PLCB1: variants seen among roughly 807,000 people sequenced by gnomAD.
PLCB1 encodes phospholipase C beta 1.
In PLCB1, 46 loss-of-function variants were observed where a neutral mutation model predicts 161.8. That is an observed-to-expected ratio of 0.28 (90% CI 0.22 to 0.36). The LOEUF is 0.36. Ranked by LOEUF, PLCB1 falls within the 10% of genes least tolerant of loss-of-function variation. The pLI is 1.00. For missense variants in PLCB1, 1,016 were observed against 1,472.5 expected (o/e 0.69, Z 5.07); for synonymous variants, 517 against 503.7 (o/e 1.03, Z -0.35).
chr20:8,755,890 A>G (rs1981710399), intron 23 of PLCB1, among the ~76,000 whole-genome samples: 1 of 152,264 alleles, frequency 6.6e-6, no homozygotes, highest in African/African-American at 2.4e-5. Flanking sequence ...CAATAACAAG[A>G]GTGACCTCAG....
intron 3 of PLCB1, among the ~76,000 whole-genome samples, chr20:8,624,605 T>C (rs538068093): frequency 2.0e-5 from 3 of 152,346 alleles, no homozygotes; most frequent in Non-Finnish European, 4.4e-5. Flanking sequence ...CAGTAACACA[T>C]GCTGTAATTG....
chr20:8,258,266 A>G (rs368775315), intron 2 of PLCB1, among the ~76,000 whole-genome samples: 1 of 152,314 alleles, frequency 6.6e-6, no homozygotes, highest in South Asian at 2.1e-4. Context: ...CAACCATAAT[A>G]TTGACTGAAT....
At chr20:8,369,822 G>A (rs1362999519) in intron 2 of PLCB1, among the ~76,000 whole-genome samples, 2 of 152,222 alleles carry the variant, frequency 1.3e-5, no homozygotes, top group Admixed American at 1.3e-4. Flanking sequence ...TCACAGAGAG[G>A]TGTGTCAGGA....
At chr20:8,602,922 C>G (rs148256920) in intron 3 of PLCB1, among the ~76,000 whole-genome samples, 1,961 of 152,278 alleles carry the variant, frequency 0.013, 30 homozygotes, top group African/African-American at 0.039. Context: ...AGTTGAAGCT[C>G]CTCTGGTAGA....
chr20:8,468,193 C>A (rs1175096810), intron 3 of PLCB1, among the ~76,000 whole-genome samples: 3 of 152,082 alleles, frequency 2.0e-5, no homozygotes, highest in Non-Finnish European at 2.9e-5. Context: ...CGTGAGGGAG[C>A]CTTATAGAGG....
At chr20:8,426,084 G>T (rs895999538) in intron 3 of PLCB1, among the ~76,000 whole-genome samples, 6 of 152,188 alleles carry the variant, frequency 3.9e-5, no homozygotes, top group African/African-American at 1.4e-4. Context: ...AACATGGGAA[G>T]CACTGCTTCA....
intron 3 of PLCB1, among the ~76,000 whole-genome samples, chr20:8,548,727 C>T (rs552933386): frequency 2.7e-5 from 4 of 150,222 alleles, no homozygotes; most frequent in African/African-American, 7.4e-5. Context: ...CTGTAAGCTC[C>T]GTGAGAACAG....
intron 3 of PLCB1, among the ~76,000 whole-genome samples, chr20:8,515,536 T>C (rs1018136153): frequency 6.6e-6 from 1 of 152,146 alleles, no homozygotes; most frequent in Non-Finnish European, 1.5e-5. Context: ...ATCTAGAAAT[T>C]TGTATTCCTA....
At chr20:8,143,190 C>T (rs1366676800) in intron 1 of PLCB1, among the ~76,000 whole-genome samples, 4 of 152,176 alleles carry the variant, frequency 2.6e-5, no homozygotes, top group African/African-American at 7.2e-5. Flanking sequence ...CTCCTTCCCT[C>T]TACTATGCAA....
At chr20:8,643,797 CCA>C in intron 4 of PLCB1, among the ~76,000 whole-genome samples, 1 of 129,942 alleles carries the variant, frequency 7.7e-6, no homozygotes, top group Non-Finnish European at 1.7e-5. Context: ...CTCCCTCTCC[CCA>C]TGGTCTCCCT....
At chr20:8,740,502 T>G in intron 22 of PLCB1, 54 bp downstream of exon 22, 1 of 1,017,122 alleles carries the variant, frequency 9.8e-7, no homozygotes, top group Non-Finnish European at 1.4e-6. Context: ...TCTGTCTGAG[T>G]CACCATATAT....
intron 3 of PLCB1, among the ~76,000 whole-genome samples, chr20:8,560,913 G>A (rs973511490): frequency 6.6e-6 from 1 of 151,960 alleles, no homozygotes; most frequent in Non-Finnish European, 1.5e-5. Flanking sequence ...TTTTCTCCAT[G>A]TTCACTGAGG....
chr20:8,270,640 A>C (rs1228456654), intron 2 of PLCB1, among the ~76,000 whole-genome samples: 3 of 152,140 alleles, frequency 2.0e-5, no homozygotes, highest in Admixed American at 1.3e-4. Flanking sequence ...AATAGGAATC[A>C]CATTCTTCAA....
rs545799329 is a variant in PLCB1 at position 8,301,896 on chromosome 20, T to C, written c.178-69486T>C. 6.6e-5 allele frequency among the ~76,000 whole-genome samples: 10 copies of C among 152,358 alleles called. No individual in the cohort carries two copies. In the East Asian group the frequency reaches 1.5e-3, roughly 23 times the overall value. On this transcript the variant is annotated intron_variant, in intron 2 of 31. Coordinates refer to ENST00000338037, the MANE Select transcript of PLCB1 (RefSeq NM_015192.4). ...CAAGAATGTGGCTTTGGCATCAGACTGCCTTGATTCAAGTCTTGCCTTCAC... is the reference window on the plus strand; with the variant it reads ...CAAGAATGTGGCTTTGGCATCAGACCGCCTTGATTCAAGTCTTGCCTTCAC...
intron 9 of PLCB1, among the ~76,000 whole-genome samples, chr20:8,681,116 ATAT>A (rs1568558274): frequency 0.045 from 5,114 of 113,300 alleles, 482 homozygotes; most frequent in African/African-American, 0.19. Context: ...ATATATATAT[ATAT>A]AATATATATA....
intron 3 of PLCB1, among the ~76,000 whole-genome samples, chr20:8,571,542 G>C (rs908106580): frequency 1.3e-5 from 2 of 152,166 alleles, no homozygotes; most frequent in African/African-American, 2.4e-5. Context: ...AAGATGGCTT[G>C]TGGAGAGACA....
intron 2 of PLCB1, among the ~76,000 whole-genome samples, chr20:8,233,476 G>A (rs560595917): frequency 3.9e-5 from 6 of 152,210 alleles, no homozygotes; most frequent in Admixed American, 6.5e-5. Context: ...ACAGGCATTC[G>A]AAAATAGCGG....
At chr20:8,757,006 A>C in intron 23 of PLCB1, 40 bp from the exon 24 acceptor site, 18 of 1,551,370 alleles carry the variant, frequency 1.2e-5, no homozygotes, top group Non-Finnish European at 1.5e-5. Context: ...GAAAAGAATA[A>C]AAAGAAATGT....
chr20:8,534,730 G>A (rs1374614127), intron 3 of PLCB1, among the ~76,000 whole-genome samples: 1 of 152,076 alleles, frequency 6.6e-6, no homozygotes, highest in Non-Finnish European at 1.5e-5. Flanking sequence ...TGAGATATGC[G>A]TTTCTCTTTG....
Sources: allele counts gnomAD v4.1 joint callset (sites outside exome capture counted in the v4.1 genomes callset), GRCh38; gene constraint gnomAD v4.1.1; transcripts MANE v1.5; gene names NCBI Gene and HGNC (gene_info 2026-07-23, HGNC 2026-07-21).